PKIB: variants seen among roughly 807,000 people sequenced by gnomAD.
PKIB encodes the protein PKI-beta.
A neutral mutation model predicts 4.5 loss-of-function variants in PKIB; 2 were observed. That is an observed-to-expected ratio of 0.44 (90% CI 0.18 to 1.39). The LOEUF (loss-of-function observed/expected upper bound fraction) is 1.39. Among genes scored for constraint, PKIB ranks in the 40% most tolerant of loss-of-function variants. The pLI is 0.27. For synonymous variants in PKIB, 38 were observed against 36.0 expected (o/e 1.06, Z -0.20); for missense variants, 94 against 92.6 (o/e 1.02, Z -0.06).
At chr6:122,540,282 A>G (rs1317639774) in intron 2 of PKIB, among the ~76,000 whole-genome samples, 1 of 151,656 alleles carries the variant, frequency 6.6e-6, no homozygotes, top group East Asian at 1.9e-4. Context: ...TAGGGTGTCA[A>G]TTCTGGATCT....
chr6:122,564,819 G>A (rs930376339), intron 2 of PKIB, among the ~76,000 whole-genome samples: 1 of 152,108 alleles, frequency 6.6e-6, no homozygotes, highest in Non-Finnish European at 1.5e-5. Flanking sequence ...GTGAAATTTT[G>A]GTGGTGTAGG....
At chr6:122,494,095 A>G (rs1488837136) in intron 2 of PKIB, among the ~76,000 whole-genome samples, 1 of 152,214 alleles carries the variant, frequency 6.6e-6, no homozygotes, top group African/African-American at 2.4e-5. Context: ...ATCCCACTTT[A>G]TATACGGCCA....
chr6:122,653,276 G>C (rs1481225100), intron 2 of PKIB, among the ~76,000 whole-genome samples: 1 of 152,182 alleles, frequency 6.6e-6, no homozygotes. Flanking sequence ...GTGAACATTT[G>C]ATTAGTCATC....
At chr6:122,707,902 CT>C (rs1779126146) in intron 3 of PKIB, among the ~76,000 whole-genome samples, 1 of 151,976 alleles carries the variant, frequency 6.6e-6, no homozygotes, top group Non-Finnish European at 1.5e-5. Context: ...TTCTTTATGT[CT>C]TTTGGAATTG....
At chr6:122,617,250 T>C (rs545856906) in intron 1 of PKIB, among the ~76,000 whole-genome samples, 1 of 152,312 alleles carries the variant, frequency 6.6e-6, no homozygotes, top group South Asian at 2.1e-4. Flanking sequence ...TTGTCCCTTA[T>C]GGATTCAACC....
intron 2 of PKIB, among the ~76,000 whole-genome samples, chr6:122,569,157 T>C (rs746721660): frequency 1.3e-5 from 2 of 152,136 alleles, no homozygotes; most frequent in African/African-American, 2.4e-5. Context: ...CGCCTAACCC[T>C]ATCCCCAACT....
At chr6:122,649,440 C>G (rs1018711236) in intron 2 of PKIB, among the ~76,000 whole-genome samples, 1 of 152,166 alleles carries the variant, frequency 6.6e-6, no homozygotes, top group Non-Finnish European at 1.5e-5. Context: ...ATCTGTAAAC[C>G]ACTCTGAAAT....
At chr6:122,721,120 C>G (rs1003999417) in intron 4 of PKIB, among the ~76,000 whole-genome samples, 2 of 152,140 alleles carry the variant, frequency 1.3e-5, no homozygotes, top group Non-Finnish European at 2.9e-5. Context: ...AATGGAACCA[C>G]AGAATATGAG....
chr6:122,670,334 C>G (rs1016456199), intron 2 of PKIB, among the ~76,000 whole-genome samples: 1 of 152,094 alleles, frequency 6.6e-6, no homozygotes, highest in Non-Finnish European at 1.5e-5. Flanking sequence ...AGCCAGCCAG[C>G]AGTATTCCCT....
At position 122,703,156 on chromosome 6, in the gene PKIB, G is replaced by A. The variant is rs117061625; in HGVS notation, c.-8-14631G>A. ...AGATAATATAACATTTTAATGCATC[G>A]TGTATAATGTACACATGCATATTGT... On this transcript the variant is annotated intron_variant, in intron 3 of 4. Coordinates refer to ENST00000368452, the MANE Select transcript of PKIB (RefSeq NM_181795.3). Among the ~76,000 whole-genome samples the A allele has an allele frequency of 1.2e-3, 184 of 152,154 alleles. 4 individuals carry two copies. The East Asian group carries it at 0.02, about 16-fold the overall frequency.
At chr6:122,613,288 T>C (rs897737295) in intron 1 of PKIB, among the ~76,000 whole-genome samples, 2 of 152,338 alleles carry the variant, frequency 1.3e-5, no homozygotes, top group African/African-American at 4.8e-5. Context: ...AAATTATTCT[T>C]TCCTCAACAT....
chr6:122,496,718 A>G (rs975395932), intron 2 of PKIB, among the ~76,000 whole-genome samples: 6 of 152,196 alleles, frequency 3.9e-5, no homozygotes, highest in Non-Finnish European at 8.8e-5. Context: ...TCCAAGAAAT[A>G]TGAGATTACT....
upstream of PKIB, among the ~76,000 whole-genome samples, chr6:122,607,578 C>T (rs1774587455): frequency 6.6e-6 from 1 of 152,134 alleles, no homozygotes; most frequent in Non-Finnish European, 1.5e-5. Context: ...ACGAAGCCAG[C>T]CCTACCTCCC....
intron 3 of PKIB, among the ~76,000 whole-genome samples, chr6:122,595,662 C>G (rs774828051): frequency 1.3e-5 from 2 of 152,142 alleles, no homozygotes; most frequent in Admixed American, 6.6e-5. Flanking sequence ...GGTGCCATAT[C>G]GAGGGCTCAG....
intron 2 of PKIB, among the ~76,000 whole-genome samples, chr6:122,543,535 A>G (rs144747822): frequency 1.3e-3 from 200 of 152,008 alleles, no homozygotes; most frequent in Non-Finnish European, 2.5e-3. Flanking sequence ...GCCTGCAACC[A>G]TGCCCAGCTA....
intron 2 of PKIB, among the ~76,000 whole-genome samples, chr6:122,645,964 G>A (rs2114862683): frequency 6.6e-6 from 1 of 152,048 alleles, no homozygotes; most frequent in East Asian, 1.9e-4. Context: ...GATACAATCA[G>A]CCTTGCCTTT....
At chr6:122,514,219 G>GA (rs915190264) in intron 2 of PKIB, among the ~76,000 whole-genome samples, 130 of 151,382 alleles carry the variant, frequency 8.6e-4, no homozygotes, top group African/African-American at 3.0e-3. Context: ...AGTACACAGG[G>GA]AAAAAAAAAT....
intron 2 of PKIB, among the ~76,000 whole-genome samples, chr6:122,667,226 C>T (rs1253781324): frequency 6.6e-6 from 1 of 152,076 alleles, no homozygotes; most frequent in Non-Finnish European, 1.5e-5. Context: ...ACTGTGATGC[C>T]TAACAATTTC....
At chr6:122,473,016 C>G (rs970223665) in intron 1 of PKIB, among the ~76,000 whole-genome samples, 20 of 152,096 alleles carry the variant, frequency 1.3e-4, no homozygotes, top group Non-Finnish European at 2.6e-4. Flanking sequence ...GGAGGCGAGG[C>G]AGGAGAACTG....
Sources: allele counts gnomAD v4.1 joint callset (sites outside exome capture counted in the v4.1 genomes callset), GRCh38; gene constraint gnomAD v4.1.1; transcripts MANE v1.5; gene names NCBI Gene and HGNC (gene_info 2026-07-23, HGNC 2026-07-21).